RPS24: variants seen among roughly 807,000 people sequenced by gnomAD.
The protein encoded by RPS24 is small ribosomal subunit protein eS24.
For synonymous variants in RPS24, 72 were observed against 55.6 expected (o/e 1.30, Z -1.31); for missense variants, 100 against 162.5 (o/e 0.62, Z 2.09).
At chr10:78,044,239 A>G (rs147549570), downstream of RPS24, among the ~76,000 whole-genome samples, 204 of 152,278 alleles carry the variant, frequency 1.3e-3, 2 homozygotes, top group African/African-American at 4.6e-3. Context: ...ATTTGGATGC[A>G]CAGGAGAAAG....
intron 4 of RPS24, among the ~76,000 whole-genome samples, chr10:78,051,497 G>A (rs1034596076): frequency 6.6e-6 from 1 of 152,178 alleles, no homozygotes; most frequent in African/African-American, 2.4e-5. Context: ...ATGGATATTT[G>A]TGTTGTTTCT....
At chr10:78,045,104 C>T (rs1269904182), downstream of RPS24, among the ~76,000 whole-genome samples, 1 of 152,078 alleles carries the variant, frequency 6.6e-6, no homozygotes, top group Non-Finnish European at 1.5e-5. Context: ...TTCTCTGCCT[C>T]AGCTTCCCGA....
At chr10:78,054,402 G>T in intron 4 of RPS24, 1 of 872,906 alleles carries the variant, frequency 1.1e-6, no homozygotes. Flanking sequence ...CTTTGGCTCT[G>T]ACTGCTGCTG....
At chr10:78,039,539 GT>G (rs1247082538) in intron 4 of RPS24, 1 of 152,658 alleles carries the variant, frequency 6.6e-6, no homozygotes, top group African/African-American at 2.4e-5. Flanking sequence ...TTTTAATTCA[GT>G]TTTGTTTAGA....
intron 4 of RPS24, among the ~76,000 whole-genome samples, chr10:78,047,421 T>A (rs1429348474): frequency 6.6e-6 from 1 of 152,030 alleles, no homozygotes; most frequent in Non-Finnish European, 1.5e-5. Flanking sequence ...GCCTTTTCAC[T>A]TGGTGAAATA....
chr10:78,048,115 G>A (rs1308075296), intron 4 of RPS24, among the ~76,000 whole-genome samples: 2 of 152,124 alleles, frequency 1.3e-5, no homozygotes, highest in African/African-American at 4.8e-5. Context: ...GGATTGCAGG[G>A]GATCTGTAAA....
intron 4 of RPS24, among the ~76,000 whole-genome samples, chr10:78,053,422 G>A (rs1848119632): frequency 6.6e-6 from 1 of 152,150 alleles, no homozygotes; most frequent in Admixed American, 6.5e-5. Flanking sequence ...TGTCCACGCA[G>A]CTGGGATCTC....
At chr10:78,037,092 G>A (rs731776) in intron 3 of RPS24, 102 bp from the exon 4 acceptor site, 2 of 1,433,702 alleles carry the variant, frequency 1.4e-6, no homozygotes, top group Non-Finnish European at 1.9e-6. Flanking sequence ...GGTTTAGAAA[G>A]CTGTGTTTCT....
intron 4 of RPS24, among the ~76,000 whole-genome samples, chr10:78,045,838 C>G (rs1848037837): frequency 6.6e-6 from 1 of 151,740 alleles, no homozygotes; most frequent in Non-Finnish European, 1.5e-5. Context: ...AACATCTCTA[C>G]TAAAAATACA....
At chr10:78,042,753 T>C (rs1206517693), downstream of RPS24, among the ~76,000 whole-genome samples, 1 of 152,166 alleles carries the variant, frequency 6.6e-6, no homozygotes, top group African/African-American at 2.4e-5. Flanking sequence ...TCTGGGAAGG[T>C]ACCTGCAGTG....
intron 4 of RPS24, chr10:78,037,984 T>C (rs986921057): frequency 7.8e-7 from 1 of 1,286,326 alleles, no homozygotes. Flanking sequence ...GTCTAGCAGG[T>C]ACTGAGATTG....
At chr10:78,041,335 A>G (rs918066270), downstream of RPS24, among the ~76,000 whole-genome samples, 2 of 152,196 alleles carry the variant, frequency 1.3e-5, no homozygotes, top group African/African-American at 4.8e-5. Flanking sequence ...TACAGACAGG[A>G]GGGCAGGGCT....
chr10:78,039,892 C>T (rs1847955506), intron 4 of RPS24: 1 of 448,774 alleles, frequency 2.2e-6, no homozygotes, highest in Non-Finnish European at 4.1e-6. Flanking sequence ...CAGGTATGTA[C>T]TTCATTGACA....
At chr10:78,043,758 G>T (rs1848012671), downstream of RPS24, among the ~76,000 whole-genome samples, 1 of 152,184 alleles carries the variant, frequency 6.6e-6, no homozygotes, top group Non-Finnish European at 1.5e-5. Flanking sequence ...GAAGATCAGT[G>T]CAGGGAGGCT....
chr10:78,035,756 G>A (rs1376996285), intron 3 of RPS24, 36 bp downstream of exon 3: 4 of 1,547,686 alleles, frequency 2.6e-6, no homozygotes, highest in Non-Finnish European at 3.5e-6. Context: ...AGCTCCTGAA[G>A]ACCTATTTTT....
chr10:78,053,495 C>T (rs1802206680), intron 4 of RPS24, among the ~76,000 whole-genome samples: 1 of 152,208 alleles, frequency 6.6e-6, no homozygotes, highest in African/African-American at 2.4e-5. Flanking sequence ...TTAATAACAA[C>T]ACTTTGGATT....
intron 4 of RPS24, among the ~76,000 whole-genome samples, chr10:78,052,383 A>G (rs2131994363): frequency 6.6e-6 from 1 of 152,288 alleles, no homozygotes; most frequent in East Asian, 1.9e-4. Context: ...GAGACTTTGA[A>G]TGTAACAATA....
At chr10:78,038,149 T>TA (rs1847917087) in intron 4 of RPS24, 7 of 322,640 alleles carry the variant, frequency 2.2e-5, no homozygotes, top group South Asian at 5.4e-5. Context: ...AAACCACAAT[T>TA]ACTTTTGCAC....
rs570340956 is a variant in RPS24 at position 78,050,878 on chromosome 10, G to T, written c.391-3653G>T. Among the ~76,000 whole-genome samples the T allele has an allele frequency of 2.6e-5, 4 of 151,728 alleles. No individual in the cohort carries two copies. In the South Asian group the frequency reaches 8.3e-4, roughly 32 times the overall value. On this transcript the variant is annotated intron_variant, in intron 4 of 4. Coordinates refer to the RPS24 transcript ENST00000440692. ...CCTCCCACCACACCTATTCATTTTT[G>T]ATCATTTTTATTATGCCAAAAAGAA... is the stretch of plus-strand genomic sequence containing the variant.
Sources: allele counts gnomAD v4.1 joint callset (sites outside exome capture counted in the v4.1 genomes callset), GRCh38; gene constraint gnomAD v4.1.1; transcripts MANE v1.5; gene names NCBI Gene and HGNC (gene_info 2026-07-23, HGNC 2026-07-21).